Variants in RGS6 observed in about 807,000 individuals in gnomAD.
The protein encoded by RGS6 is regulator of G protein signaling 6.
A neutral mutation model predicts 78.5 loss-of-function variants in RGS6; 30 were observed. The ratio of observed to expected loss-of-function variants is 0.38; its 90% CI spans 0.29 to 0.52. RGS6 has a LOEUF of 0.52. Among genes scored for constraint, RGS6 ranks in the 20% least tolerant of loss-of-function variants. The probability of loss-of-function intolerance (pLI) is 0.85; values close to 1 mark genes in which losing one functional copy is unlikely to be tolerated. For synonymous variants in RGS6, 206 were observed against 206.0 expected, an observed-to-expected ratio of 1.00 and a Z score of 0.00; for missense variants, 495 against 609.7, an observed-to-expected ratio of 0.81 and a Z score of 1.98.
intron 13 of RGS6, among the ~76,000 whole-genome samples, chr14:72,507,494 C>A (rs1025401658): frequency 1.3e-5 from 2 of 152,130 alleles, no homozygotes; most frequent in Admixed American, 1.3e-4. Context: ...TCTCTCTAGA[C>A]CCATTTATTT....
chr14:72,091,775 C>A (rs1478846625), intron 2 of RGS6, among the ~76,000 whole-genome samples: 1 of 152,156 alleles, frequency 6.6e-6, no homozygotes, highest in Non-Finnish European at 1.5e-5. Context: ...CAGATGTACT[C>A]ACTTCATGGG....
In RGS6 at chr14:72,158,686, C is replaced by T. The variant is rs188623943; in HGVS notation, c.85-193409C>T. Among the ~76,000 whole-genome samples the T allele has an allele frequency of 1.1e-3, 169 of 152,270 alleles. 2 individuals carry two copies. Among genetic ancestry groups the T allele is most frequent in the Admixed American group, 2.5e-3 (38 of 15,298 alleles). ...TCAAGATAATTTCCGTAAACATGCACTCTTTTTATGTAAGAGGGGTAATAA... is the reference window on the plus strand; with the variant it reads ...TCAAGATAATTTCCGTAAACATGCATTCTTTTTATGTAAGAGGGGTAATAA... On this transcript the variant is annotated intron_variant, in intron 2 of 17. Coordinates refer to ENST00000553525, the MANE Select transcript of RGS6 (RefSeq NM_001204424.2).
chr14:72,370,969 T>C (rs2083400860), intron 3 of RGS6, among the ~76,000 whole-genome samples: 1 of 152,252 alleles, frequency 6.6e-6, no homozygotes, highest in Non-Finnish European at 1.5e-5. Flanking sequence ...TCAGTTTTCT[T>C]GTTGTCCTTA....
intron 2 of RGS6, among the ~76,000 whole-genome samples, chr14:72,183,140 TG>T (rs2097196200): frequency 6.6e-6 from 1 of 152,228 alleles, no homozygotes; most frequent in Non-Finnish European, 1.5e-5. Context: ...TTGTTTGATC[TG>T]ATAAGGTAGG....
At chr14:72,561,624 G>A (rs997514270) in intron 17 of RGS6, among the ~76,000 whole-genome samples, 26 of 152,182 alleles carry the variant, frequency 1.7e-4, no homozygotes, top group Admixed American at 1.3e-4. Flanking sequence ...CATACACAAC[G>A]GGACTCTCCT....
the RGS6 span, among the ~76,000 whole-genome samples, chr14:71,870,886 A>AT: frequency 6.6e-6 from 1 of 152,228 alleles, no homozygotes; most frequent in East Asian, 1.9e-4. Context: ...TGGGCCTCCC[A>AT]TCCCAGTCAT....
intron 2 of RGS6, among the ~76,000 whole-genome samples, chr14:72,168,963 T>C (rs2096969441): frequency 6.6e-6 from 1 of 152,256 alleles, no homozygotes; most frequent in Non-Finnish European, 1.5e-5. Flanking sequence ...TTCTGGGTTT[T>C]GCCCAAGGCA....
rs547276405 is a variant in RGS6 at position 72,555,055 on chromosome 14, G to A, written c.1423-7362G>A. On this transcript the variant is annotated intron_variant, in intron 17 of 17. Transcript: ENST00000553525. ...AGATGCCAGGAACACCAGCAGGGAG[G>A]GCTTCCTCCACCTGGCTGGGCACCC... is the stretch of plus-strand genomic sequence containing the variant. Among the ~76,000 whole-genome samples, 50 of 152,300 alleles carry A rather than the reference G, an allele frequency of 3.3e-4. 1 individual carries two copies. The highest frequency in any genetic ancestry group is 6.2e-4 in the South Asian group (3 of 4,830).
At chr14:72,033,277 A>G (rs1156533002) in intron 2 of RGS6, among the ~76,000 whole-genome samples, 1 of 152,172 alleles carries the variant, frequency 6.6e-6, no homozygotes, top group Non-Finnish European at 1.5e-5. Flanking sequence ...TCTGCCACCC[A>G]GGCTGGAATG....
At chr14:72,552,992 C>T (rs898962388) in intron 17 of RGS6, among the ~76,000 whole-genome samples, 4 of 152,314 alleles carry the variant, frequency 2.6e-5, no homozygotes, top group Middle Eastern at 6.8e-3. Flanking sequence ...GCATGAGATG[C>T]TTCTGTAAGT....
chr14:72,559,264 C>G (rs774746520), intron 17 of RGS6, among the ~76,000 whole-genome samples: 1 of 152,238 alleles, frequency 6.6e-6, no homozygotes, highest in Non-Finnish European at 1.5e-5. Flanking sequence ...TGGGGCAGCT[C>G]ATCTCTGAAC....
At chr14:72,598,001 C>T in the RGS6 span, among the ~76,000 whole-genome samples, 2 of 152,200 alleles carry the variant, frequency 1.3e-5, no homozygotes, top group African/African-American at 2.4e-5. Context: ...CTTTCAATTT[C>T]GTGGCCTTGA....
intron 3 of RGS6, among the ~76,000 whole-genome samples, chr14:72,411,055 C>CT (rs2093372345): frequency 6.6e-6 from 1 of 152,104 alleles, no homozygotes; most frequent in South Asian, 2.1e-4. Flanking sequence ...AATGCGGGCT[C>CT]TTTTTTGGTT....
At chr14:72,203,250 G>T (rs947668890) in intron 2 of RGS6, among the ~76,000 whole-genome samples, 1 of 152,212 alleles carries the variant, frequency 6.6e-6, no homozygotes, top group Non-Finnish European at 1.5e-5. Flanking sequence ...CATCTATCAT[G>T]TATATAGGCA....
At chr14:72,273,644 A>G (rs1242199242) in intron 2 of RGS6, among the ~76,000 whole-genome samples, 1 of 152,186 alleles carries the variant, frequency 6.6e-6, no homozygotes, top group Non-Finnish European at 1.5e-5. Context: ...CATTAGTTTC[A>G]CTTAATGGCT....
At chr14:72,004,252 G>A (rs1423130280) in intron 2 of RGS6, among the ~76,000 whole-genome samples, 1 of 152,142 alleles carries the variant, frequency 6.6e-6, no homozygotes, top group African/African-American at 2.4e-5. Context: ...TCTTATTTAT[G>A]TTCTGTTAAG....
intron 3 of RGS6, among the ~76,000 whole-genome samples, chr14:72,373,638 G>T (rs762095618): frequency 6.6e-6 from 1 of 152,154 alleles, no homozygotes; most frequent in Non-Finnish European, 1.5e-5. Context: ...ATGAGTAGGG[G>T]GAGAAGGCTT....
chr14:72,358,851 T>A (rs1211913791), intron 3 of RGS6, among the ~76,000 whole-genome samples: 1 of 152,140 alleles, frequency 6.6e-6, no homozygotes, highest in Non-Finnish European at 1.5e-5. Context: ...GGGGCTGGGG[T>A]AGAATGATAT....
At chr14:71,914,628 C>T in the RGS6 span, among the ~76,000 whole-genome samples, 1 of 152,024 alleles carries the variant, frequency 6.6e-6, no homozygotes, top group Non-Finnish European at 1.5e-5. Flanking sequence ...AAGAATCAGG[C>T]CCCTTTTATT....
Sources: allele counts gnomAD v4.1 joint callset (sites outside exome capture counted in the v4.1 genomes callset), GRCh38; gene constraint gnomAD v4.1.1; transcripts MANE v1.5; gene names NCBI Gene and HGNC (gene_info 2026-07-23, HGNC 2026-07-21).